FCHO2: variants seen among roughly 807,000 people sequenced by gnomAD.
FCHO2 encodes the protein F-BAR domain only protein 2.
In FCHO2, 43 loss-of-function variants were observed where a neutral mutation model predicts 114.1. That is an observed-to-expected ratio of 0.38 (90% CI 0.30 to 0.49). The LOEUF is 0.49. Among genes scored for constraint, FCHO2 ranks in the 20% least tolerant of loss-of-function variants. The pLI, the probability that FCHO2 is intolerant of heterozygous loss-of-function variation, is 0.97. For synonymous variants in FCHO2, 293 were observed against 315.2 expected, an observed-to-expected ratio of 0.93 and a Z score of 0.75; for missense variants, 807 against 950.4, an observed-to-expected ratio of 0.85 and a Z score of 1.98.
chr5:73,069,428 C>T lies in FCHO2; in HGVS notation c.1579+649C>T, dbSNP rs1009206941. On this transcript the variant is annotated intron_variant, in intron 19 of 25. Coordinates refer to ENST00000430046, the MANE Select transcript of FCHO2 (RefSeq NM_138782.3). ...TCAGTGTGAGCCCTGAGCTTTTTGT[C>T]TTGCAACTAGTCAGTCCCATCTGGG... is the stretch of plus-strand genomic sequence containing the variant. Among the ~76,000 whole-genome samples, 164 of 151,726 alleles carry T rather than the reference C, an allele frequency of 1.1e-3. 2 individuals are homozygous for T. The highest frequency in any genetic ancestry group is 2.8e-4 in the Non-Finnish European group (19 of 67,862).
chr5:72,998,186 ATAAT>A (rs1419582306), intron 5 of FCHO2, among the ~76,000 whole-genome samples: 1 of 152,100 alleles, frequency 6.6e-6, no homozygotes, highest in African/African-American at 2.4e-5. Flanking sequence ...TCAAAATAAA[ATAAT>A]TACTTTAAAA....
chr5:72,961,202 T>TA (rs753172140), intron 1 of FCHO2, among the ~76,000 whole-genome samples: 2 of 152,138 alleles, frequency 1.3e-5, no homozygotes, highest in Non-Finnish European at 2.9e-5. Context: ...GTCTTTGGGA[T>TA]AAAAAACATT....
At chr5:73,085,994 C>T (rs192515142) in intron 24 of FCHO2, among the ~76,000 whole-genome samples, 23 of 150,152 alleles carry the variant, frequency 1.5e-4, no homozygotes, top group East Asian at 9.9e-4. Flanking sequence ...TGGTGGTGTG[C>T]GCCTGTAATC....
At chr5:73,008,052 GA>G (rs1754812926) in intron 6 of FCHO2, among the ~76,000 whole-genome samples, 1 of 152,162 alleles carries the variant, frequency 6.6e-6, no homozygotes, top group South Asian at 2.1e-4. Context: ...CTGAGTAAGG[GA>G]AAATGGTAGT....
rs4270673 is a variant in FCHO2, at chr5:73,057,612, A to G, written c.1254-821A>G. Among the ~76,000 whole-genome samples, 164 of 152,276 alleles carry G rather than the reference A, an allele frequency of 1.1e-3. 1 individual carries two copies. The highest frequency in any genetic ancestry group is 3.9e-3 in the African/African-American group (162 of 41,552). On this transcript the variant is annotated intron_variant, in intron 16 of 25. Coordinates refer to ENST00000430046, the MANE Select transcript of FCHO2 (RefSeq NM_138782.3). Reference sequence around the variant, plus strand: ...CTGTACTTAAGGGCTTAAAAAAATCACTTTACCCTTTTTCTTCATCTTTGA... The same window carrying G: ...CTGTACTTAAGGGCTTAAAAAAATCGCTTTACCCTTTTTCTTCATCTTTGA...
At chr5:72,972,615 G>C (rs1580013559) in intron 2 of FCHO2, among the ~76,000 whole-genome samples, 1 of 152,256 alleles carries the variant, frequency 6.6e-6, no homozygotes, top group Admixed American at 6.5e-5. Context: ...AGACAATGGG[G>C]TTTTCTAGAT....
At chr5:73,066,323 A>G (rs1156398) in intron 18 of FCHO2, among the ~76,000 whole-genome samples, 45,183 of 151,742 alleles carry the variant, frequency 0.3, 6,952 homozygotes, top group East Asian at 0.43. Context: ...CACCGTTGTC[A>G]GAATTAAATT....
At chr5:72,991,266 G>T (rs1181943990) in intron 5 of FCHO2, among the ~76,000 whole-genome samples, 1 of 152,154 alleles carries the variant, frequency 6.6e-6, no homozygotes, top group Non-Finnish European at 1.5e-5. Flanking sequence ...GTTTCGCCAT[G>T]TTAGTCAGGT....
At chr5:72,981,045 T>A (rs1270144268) in intron 2 of FCHO2, among the ~76,000 whole-genome samples, 1 of 152,220 alleles carries the variant, frequency 6.6e-6, no homozygotes, top group Non-Finnish European at 1.5e-5. Context: ...ATGTCGGTGG[T>A]CTTTACAATT....
chr5:72,983,576 A>T (rs1423975054), intron 2 of FCHO2, among the ~76,000 whole-genome samples: 3 of 131,920 alleles, frequency 2.3e-5, no homozygotes, highest in Admixed American at 8.3e-5. Context: ...TTTTGGAGAG[A>T]CAAGGTTTCA....
At position 73,015,613 on chromosome 5, in the gene FCHO2, A is replaced by G. The variant is rs374197431; in HGVS notation, c.601-13A>G. The stretch of plus-strand genomic sequence containing the variant: ...ATATGTTATAAATCTATAACTTTGT[A>G]TATGTTACCCAGAAATTTCAAGATA... On this transcript the variant is annotated splice_polypyrimidine_tract_variant and intron_variant, in intron 6 of 25. Transcript: ENST00000430046. 5 of 1,440,206 alleles carry G rather than the reference A, an allele frequency of 3.5e-6. No homozygotes were observed. The South Asian group carries it at 3.8e-5, about 11-fold the overall frequency. The allele number at this position is 1,440,206 out of a possible 1,614,324, so 89.2% of individuals were successfully genotyped here.
intron 2 of FCHO2, among the ~76,000 whole-genome samples, chr5:72,980,521 T>C (rs560046594): frequency 6.6e-6 from 1 of 152,254 alleles, no homozygotes; most frequent in Admixed American, 6.5e-5. Flanking sequence ...CTCTCTTGTT[T>C]ACCTGTCTAA....
chr5:73,040,709 A>T (rs1018099297), intron 10 of FCHO2, among the ~76,000 whole-genome samples: 7 of 152,214 alleles, frequency 4.6e-5, no homozygotes, highest in African/African-American at 1.7e-4. Flanking sequence ...ATCCAACTGG[A>T]AGTCTACTCA....
chr5:73,076,010 G>A (rs1246720965), intron 20 of FCHO2, among the ~76,000 whole-genome samples: 3 of 152,124 alleles, frequency 2.0e-5, no homozygotes, highest in African/African-American at 7.2e-5. Context: ...TGAAAACTAA[G>A]TCTTGATTCC....
intron 2 of FCHO2, among the ~76,000 whole-genome samples, chr5:72,983,857 G>T (rs1580048547): frequency 6.6e-6 from 1 of 151,216 alleles, no homozygotes; most frequent in East Asian, 1.9e-4. Flanking sequence ...CATATGTCCT[G>T]GTATGCATAT....
chr5:73,033,877 T>G (rs1043657514), intron 8 of FCHO2, among the ~76,000 whole-genome samples: 1 of 152,180 alleles, frequency 6.6e-6, no homozygotes, highest in Non-Finnish European at 1.5e-5. Context: ...AGTCAGTCAT[T>G]TCAGGGCTAT....
At position 73,037,620 on chromosome 5, in the gene FCHO2, A is replaced by G. The variant is rs141682505; in HGVS notation, c.914+405A>G. Among the ~76,000 whole-genome samples, 541 of 152,322 alleles carry G rather than the reference A, an allele frequency of 3.6e-3. 5 individuals carry two copies. The highest frequency in any genetic ancestry group is 0.013 in the African/African-American group (526 of 41,576). On this transcript the variant is annotated intron_variant, in intron 10 of 25. Coordinates refer to ENST00000430046, the MANE Select transcript of FCHO2 (RefSeq NM_138782.3). ...AATCCTTCTAGACAATTCTGAGTGT[A>G]CAGGCACATGGTGATACCTATACAT...
At chr5:73,079,040 G>A (rs1743009015) in intron 22 of FCHO2, among the ~76,000 whole-genome samples, 2 of 152,152 alleles carry the variant, frequency 1.3e-5, no homozygotes, top group Non-Finnish European at 1.5e-5. Flanking sequence ...CTTTGTGTTT[G>A]GAGGCTTGAC....
At chr5:73,062,343 G>T (rs1374701499) in intron 17 of FCHO2, among the ~76,000 whole-genome samples, 1 of 152,072 alleles carries the variant, frequency 6.6e-6, no homozygotes, top group Non-Finnish European at 1.5e-5. Flanking sequence ...TACCAGGCTT[G>T]GTTTGAGTCA....
Sources: allele counts gnomAD v4.1 joint callset (sites outside exome capture counted in the v4.1 genomes callset), GRCh38; gene constraint gnomAD v4.1.1; transcripts MANE v1.5; gene names NCBI Gene and HGNC (gene_info 2026-07-23, HGNC 2026-07-21).